Variants in CNPY1 observed in about 807,000 individuals in gnomAD.
CNPY1 encodes protein canopy homolog 1.
CNPY1 carries 14 observed loss-of-function variants against 14.4 expected under a neutral mutation model. The observed-to-expected ratio is 0.97, with a 90% CI of 0.64 to 1.52. The LOEUF is 1.52. CNPY1 is among the 40% of genes most tolerant of loss of function. CNPY1 has a pLI of 0.00. For missense variants in CNPY1, 129 were observed against 131.5 expected (o/e 0.98, Z 0.09); for synonymous variants, 43 against 46.5 (o/e 0.92, Z 0.31).
At chr7:155,531,897 C>T (rs1026221361) in intron 2 of CNPY1, among the ~76,000 whole-genome samples, 1 of 152,188 alleles carries the variant, frequency 6.6e-6, no homozygotes, top group Non-Finnish European at 1.5e-5. Flanking sequence ...TGGCCACTGT[C>T]AGCCCGGAAG....
intron 2 of CNPY1, among the ~76,000 whole-genome samples, chr7:155,521,827 T>G (rs1349757639): frequency 6.6e-6 from 1 of 152,156 alleles, no homozygotes; most frequent in Non-Finnish European, 1.5e-5. Flanking sequence ...CTATGGACTA[T>G]GTTTAGAGAA....
chr7:155,527,057 T>TCTTTC (rs1554449558), intron 2 of CNPY1, among the ~76,000 whole-genome samples: 287 of 92,496 alleles, frequency 3.1e-3, no homozygotes, highest in Non-Finnish European at 4.5e-3. Context: ...TTTCTTTCTT[T>TCTTTC]TTTTTTTTTT....
At chr7:155,525,181 C>CT (rs902043877) in intron 2 of CNPY1, among the ~76,000 whole-genome samples, 4 of 151,526 alleles carry the variant, frequency 2.6e-5, no homozygotes, top group South Asian at 2.1e-4. Context: ...ATCTTTCTTT[C>CT]TTTTTTTTTA....
intron 2 of CNPY1, among the ~76,000 whole-genome samples, chr7:155,526,528 T>C (rs1371052564): frequency 2.0e-5 from 3 of 151,934 alleles, no homozygotes; most frequent in Admixed American, 1.3e-4. Flanking sequence ...ACATTCACAA[T>C]GGCATAAAAG....
intron 2 of CNPY1, among the ~76,000 whole-genome samples, chr7:155,530,296 CTT>C (rs11386824): frequency 3.1e-5 from 3 of 96,928 alleles, no homozygotes; most frequent in South Asian, 4.0e-4. Flanking sequence ...CCAGCAGGGT[CTT>C]TTTTTTTTTT....
rs1231968553 is a variant in CNPY1 at position 155,502,959 on chromosome 7, CAA to C, written c.*107_*108del. 1 of 969,524 alleles carries C rather than the reference CAA, an allele frequency of 1.0e-6. No individual in the cohort carries two copies. Among genetic ancestry groups the C allele is most frequent in the Non-Finnish European group, 1.6e-6 (1 of 638,458 alleles). 60.1% of individuals were successfully genotyped at this position (969,524 alleles called of 1,614,324 possible). On this transcript the variant is annotated 3_prime_UTR_variant, in exon 5 of 5. Transcript: ENST00000636446. ...TAAACGGAGACAAACACGGTATAAA[CAA>C]GAGACAAAATTTTTCTTATCATGAA...
At chr7:155,519,131 C>A (rs999624723) in intron 2 of CNPY1, among the ~76,000 whole-genome samples, 3 of 152,182 alleles carry the variant, frequency 2.0e-5, no homozygotes, top group African/African-American at 7.2e-5. Flanking sequence ...TTTGAAGAGG[C>A]CACCACACCC....
chr7:155,537,748 C>T (rs1470342284), intron 2 of CNPY1, among the ~76,000 whole-genome samples: 1 of 152,054 alleles, frequency 6.6e-6, no homozygotes, highest in Non-Finnish European at 1.5e-5. Context: ...TTATACGAAA[C>T]AAAATCACGT....
At chr7:155,514,361 C>T (rs915796051) in intron 2 of CNPY1, among the ~76,000 whole-genome samples, 5 of 152,192 alleles carry the variant, frequency 3.3e-5, no homozygotes, top group Non-Finnish European at 5.9e-5. Flanking sequence ...CCTTTGTCAT[C>T]GATTGTCGTC....
Position 155,536,794 on chromosome 7 carries a change from C to T in CNPY1, c.99+9037G>A, listed in dbSNP as rs772956860. Among the ~76,000 whole-genome samples, 2 of 152,156 alleles carry T rather than the reference C, an allele frequency of 1.3e-5. No individual in the cohort carries two copies. The highest frequency in any genetic ancestry group is 3.9e-4 in the East Asian group (2 of 5,184). ...ACATGAGCAAGAAGTCAACTCTCAA[C>T]GCTCGTGGTGATCCACACTGACACC... On this transcript the variant is annotated intron_variant, in intron 2 of 4. Coordinates refer to ENST00000636446, the MANE Select transcript of CNPY1 (RefSeq NM_001393663.1). This position sits in a 1 kb window ranked among gnomAD's most constrained non-coding sequence, Gnocchi z 4.1.
intron 2 of CNPY1, among the ~76,000 whole-genome samples, chr7:155,541,387 A>G (rs987431633): frequency 2.0e-5 from 3 of 152,222 alleles, no homozygotes; most frequent in Non-Finnish European, 4.4e-5. Context: ...GTCCCTGTAC[A>G]TCGTGTATTA....
rs1796153127 is a variant in CNPY1 at position 155,502,620 on chromosome 7, T to TTTCCTTAAATTTATAG, written c.*447_*448insCTATAAATTTAAGGAA. ...CCAGAAGGCCACATTTTGAATTTGT[T>TTTCCTTAAATTTATAG]GCCATGTATTTCCTTAAATTTATAG... is the stretch of plus-strand genomic sequence containing the variant. On this transcript the variant is annotated 3_prime_UTR_variant, in exon 5 of 5. Coordinates refer to ENST00000636446, the MANE Select transcript of CNPY1 (RefSeq NM_001393663.1). 1 of 154,426 alleles carries TTTCCTTAAATTTATAG rather than the reference T, an allele frequency of 6.5e-6. No individual in the cohort carries two copies. Among genetic ancestry groups the TTTCCTTAAATTTATAG allele is most frequent in the Non-Finnish European group, 1.4e-5 (1 of 69,558 alleles). 9.6% of individuals were successfully genotyped at this position (154,426 alleles called of 1,614,324 possible). A position where few individuals can be genotyped will look rare whatever the true frequency, so the allele number is the denominator to read the frequency against.
chr7:155,542,758 A>C (rs557321320), intron 2 of CNPY1, among the ~76,000 whole-genome samples: 1 of 152,316 alleles, frequency 6.6e-6, no homozygotes, highest in African/African-American at 2.4e-5. Flanking sequence ...GTGCGGGCAG[A>C]GGCCCGCCTG....
intron 2 of CNPY1, among the ~76,000 whole-genome samples, chr7:155,543,569 A>C (rs1797125944): frequency 6.6e-6 from 1 of 152,220 alleles, no homozygotes. Flanking sequence ...AGGGGAAGAC[A>C]GTGGAGCTCT....
intron 2 of CNPY1, chr7:155,510,172 C>T (rs1796491828): frequency 6.6e-6 from 1 of 152,266 alleles, no homozygotes; most frequent in Non-Finnish European, 1.5e-5. Flanking sequence ...TGAACCCTTC[C>T]GGTGCCAGCG....
At chr7:155,523,170 A>C (rs1256692559) in intron 2 of CNPY1, among the ~76,000 whole-genome samples, 1 of 152,232 alleles carries the variant, frequency 6.6e-6, no homozygotes, top group East Asian at 1.9e-4. Flanking sequence ...ACAGAATTAC[A>C]AAATCCGAGG....
At chr7:155,539,865 G>A (rs542783647) in intron 2 of CNPY1, among the ~76,000 whole-genome samples, 12 of 152,204 alleles carry the variant, frequency 7.9e-5, no homozygotes, top group South Asian at 2.1e-4. Context: ...AGGAATGGAC[G>A]CAGGAGGCAG....
intron 2 of CNPY1, among the ~76,000 whole-genome samples, chr7:155,529,786 T>A (rs867996377): frequency 6.2e-4 from 94 of 151,908 alleles, no homozygotes; most frequent in African/African-American, 2.2e-3. Flanking sequence ...CTTTTTTTTT[T>A]TTCTTTAATT....
chr7:155,504,262 A>T (rs1477285157), intron 4 of CNPY1, among the ~76,000 whole-genome samples: 2 of 152,182 alleles, frequency 1.3e-5, no homozygotes, highest in African/African-American at 4.8e-5. Flanking sequence ...TCATCAAAAA[A>T]ATGACACATA....
Sources: allele counts gnomAD v4.1 joint callset (sites outside exome capture counted in the v4.1 genomes callset), GRCh38; gene constraint gnomAD v4.1.1; non-coding constraint Gnocchi (gnomAD v3.1); transcripts MANE v1.5; gene names NCBI Gene and HGNC (gene_info 2026-07-23, HGNC 2026-07-21).